The following RGR variants were observed in gnomAD, a reference collection of about 807,000 sequenced individuals.
The protein encoded by RGR is RPE-retinal G protein-coupled receptor.
In RGR, 30 loss-of-function variants were observed where a neutral mutation model predicts 28.6. The ratio of observed to expected loss-of-function variants is 1.05; its 90% CI spans 0.78 to 1.42. The LOEUF (loss-of-function observed/expected upper bound fraction) is 1.42. Among genes scored for constraint, RGR ranks in the 40% most tolerant of loss-of-function variants. The pLI, the probability that RGR is intolerant of heterozygous loss-of-function variation, is 0.00. For missense variants in RGR, 404 were observed against 375.6 expected, an observed-to-expected ratio of 1.08 and a Z score of -0.62; for synonymous variants, 180 against 156.4, an observed-to-expected ratio of 1.15 and a Z score of -1.13.
At chr10:84,246,526 C>G (rs1200294473) in intron 1 of RGR, among the ~76,000 whole-genome samples, 1 of 152,180 alleles carries the variant, frequency 6.6e-6, no homozygotes, top group Non-Finnish European at 1.5e-5. Context: ...ATAATGGCCT[C>G]CAGCTCCATC....
intron 3 of RGR, 92 bp downstream of exon 3, chr10:84,249,135 C>G: frequency 6.4e-7 from 1 of 1,562,742 alleles, no homozygotes; most frequent in South Asian, 1.2e-5. Context: ...GCTACTGCTC[C>G]GTGTTTCCCA....
At chr10:84,258,396 A>G in intron 6 of RGR, 112 bp from the exon 7 acceptor site, 1 of 1,562,294 alleles carries the variant, frequency 6.4e-7, no homozygotes, top group Non-Finnish European at 8.8e-7. Flanking sequence ...CCAAGGCTGC[A>G]GAACTAAATG....
chr10:84,257,760 G>C lies in RGR; in HGVS notation c.631-133G>C, dbSNP rs115052929. The C allele has an allele frequency of 1.3e-3, 923 of 729,658 alleles. 8 individuals are homozygous for C. In the African/African-American group the frequency reaches 0.014, roughly 11 times the overall value. The allele number at this position is 729,658 out of a possible 1,614,324, so 45.2% of individuals were successfully genotyped here. ...GGCCCATCTGGTCCCAAGTTCCCCT[G>C]CAGACTCAGCCCCCTCCTGAAGCCT... On this transcript the variant is annotated intron_variant, in intron 5 of 6. Transcript: ENST00000652092.
At chr10:84,256,163 G>T (rs939393571) in intron 5 of RGR, among the ~76,000 whole-genome samples, 3 of 141,734 alleles carry the variant, frequency 2.1e-5, no homozygotes. Flanking sequence ...CCGCCTCTCG[G>T]GTTCAAGCGA....
At chr10:84,250,353 A>C in intron 3 of RGR, 2 of 717,288 alleles carry the variant, frequency 2.8e-6, no homozygotes, top group Non-Finnish European at 5.2e-6. Flanking sequence ...ACTGCCCCTC[A>C]TGGGTCTCTC....
chr10:84,251,571 G>A (rs1000121511), intron 3 of RGR, among the ~76,000 whole-genome samples: 2 of 152,110 alleles, frequency 1.3e-5, no homozygotes, highest in East Asian at 3.9e-4. Context: ...TTGAAACAGA[G>A]TCTCACTCTA....
intron 3 of RGR, chr10:84,250,355 G>T (rs940940371): frequency 1.4e-6 from 1 of 717,318 alleles, no homozygotes; most frequent in Non-Finnish European, 2.6e-6. Context: ...TGCCCCTCAT[G>T]GGTCTCTCCT....
chr10:84,250,517 TACAC>T (rs34459757), intron 3 of RGR: 37,927 of 590,838 alleles, frequency 0.064, 41 homozygotes, highest in East Asian at 0.11. Context: ...GACCATCTTA[TACAC>T]ACACACACAC....
At position 84,259,850 on chromosome 10, in the gene RGR, T is replaced by C. The variant is rs1248066935; in HGVS notation, c.*1211T>C. Reference sequence around the variant, plus strand: ...AGTCTTATATATTCTGGATATATTCTGGATACATGGTTTGCAAATATTTTC... The same window carrying C: ...AGTCTTATATATTCTGGATATATTCCGGATACATGGTTTGCAAATATTTTC... On this transcript the variant is annotated 3_prime_UTR_variant, in exon 7 of 7. Transcript: ENST00000652092. 6.6e-6 allele frequency: 1 copy of C among 152,198 alleles called. No homozygotes were observed. Among genetic ancestry groups the C allele is most frequent in the Non-Finnish European group, 1.5e-5 (1 of 68,030 alleles). The allele number at this position is 152,198 out of a possible 1,614,324, so 9.4% of individuals were successfully genotyped here.
At chr10:84,247,781 G>A (rs746082699) in intron 2 of RGR, 34 bp downstream of exon 2, 23 of 1,613,568 alleles carry the variant, frequency 1.4e-5, no homozygotes, top group Middle Eastern at 1.7e-4. Context: ...CAGGCTCTGG[G>A]GTCCTGCCTG....
intron 3 of RGR, among the ~76,000 whole-genome samples, chr10:84,249,979 T>A (rs1379595772): frequency 6.6e-6 from 1 of 152,254 alleles, no homozygotes; most frequent in East Asian, 1.9e-4. Flanking sequence ...AATGTTCTTA[T>A]AATTTTAATA....
Position 84,259,497 on chromosome 10 carries a change from AGT to A in RGR, c.*859_*860del, listed in dbSNP as rs1842928037. ...TTCCATAGGGGTTGTACTAATTTAC[AGT>A]CCCACCAACAGTGTATAGGTGTTCC... On this transcript the variant is annotated 3_prime_UTR_variant, in exon 7 of 7. Coordinates refer to ENST00000652092, the MANE Select transcript of RGR (RefSeq NM_001012720.2). 6.6e-6 allele frequency: 1 copy of A among 152,202 alleles called. No homozygotes were observed. The highest frequency in any genetic ancestry group is 1.5e-5 in the Non-Finnish European group (1 of 68,038). 9.4% of individuals were successfully genotyped at this position (152,202 alleles called of 1,614,324 possible). A position where few individuals can be genotyped will look rare whatever the true frequency, so the allele number is the denominator to read the frequency against.
intron 6 of RGR, 77 bp downstream of exon 6, chr10:84,258,083 A>T: frequency 8.1e-7 from 1 of 1,237,402 alleles, no homozygotes; most frequent in South Asian, 1.2e-5. Flanking sequence ...CACTTTCTGG[A>T]TTTATGACCT....
intron 2 of RGR, 59 bp from the exon 3 acceptor site, chr10:84,248,863 A>C: frequency 6.2e-7 from 1 of 1,614,178 alleles, no homozygotes; most frequent in South Asian, 1.1e-5. Flanking sequence ...TGTACTTGGC[A>C]GGTGTGGGAG....
In RGR at chr10:84,247,755, C is replaced by G; in HGVS notation, c.236+8C>G. On this transcript the variant is annotated splice_region_variant and intron_variant, in intron 2 of 6. Transcript: ENST00000652092. ...CACATCCAGCCTTCTCCGGTACCAG[C>G]CCCCTCCCCAGTCCACAGGCTCTGG... 2 of 1,614,082 alleles carry G rather than the reference C, an allele frequency of 1.2e-6. No individual in the cohort carries two copies. Among genetic ancestry groups the G allele is most frequent in the East Asian group, 2.2e-5 (1 of 44,870 alleles).
intron 1 of RGR, 136 bp downstream of exon 1, chr10:84,245,305 T>G (rs1589328166): frequency 1.3e-6 from 1 of 765,262 alleles, no homozygotes; most frequent in African/African-American, 1.7e-5. Flanking sequence ...TGCCTTCCCC[T>G]CTGTGCCCGG....
At chr10:84,252,736 G>GGA in intron 3 of RGR, 121 bp from the exon 4 acceptor site, 1 of 1,281,656 alleles carries the variant, frequency 7.8e-7, no homozygotes, top group Non-Finnish European at 1.1e-6. Context: ...CAGCACTTTG[G>GGA]GAGACTGAGG....
At chr10:84,251,177 G>A (rs1200963956) in intron 3 of RGR, among the ~76,000 whole-genome samples, 2 of 152,150 alleles carry the variant, frequency 1.3e-5, no homozygotes, top group Non-Finnish European at 2.9e-5. Flanking sequence ...GGAAGTTGCA[G>A]TGAGCCGAGA....
chr10:84,254,204 C>T (rs1030506955), intron 4 of RGR, 122 bp from the exon 5 acceptor site: 13 of 871,246 alleles, frequency 1.5e-5, no homozygotes, highest in East Asian at 1.2e-4. Flanking sequence ...AACCACACTG[C>T]GAGCTTGTCT....
Sources: gnomAD v4.1 joint callset for allele counts (sites outside exome capture counted in the v4.1 genomes callset) on GRCh38, gnomAD v4.1.1 for gene constraint, MANE v1.5 for transcripts, NCBI Gene and HGNC (gene_info 2026-07-23, HGNC 2026-07-21) for gene names.